Variants in LRRC7 observed in about 807,000 individuals in gnomAD.
LRRC7 encodes leucine-rich repeat-containing protein 7.
LRRC7 carries 23 observed loss-of-function variants against 175.7 expected under a neutral mutation model. The observed-to-expected ratio is 0.13, with a 90% confidence interval of 0.09 to 0.19. LRRC7 has a LOEUF of 0.19. Among genes scored for constraint, LRRC7 ranks in the 10% least tolerant of loss-of-function variants. The pLI is 1.00. For missense variants in LRRC7, 1,354 were observed against 1,904.7 expected, an observed-to-expected ratio of 0.71 and a Z score of 5.38; for synonymous variants, 685 against 680.9, an observed-to-expected ratio of 1.01 and a Z score of -0.09.
chr1:69,954,126 A>C (rs1298033977), intron 8 of LRRC7, among the ~76,000 whole-genome samples: 4 of 152,116 alleles, frequency 2.6e-5, no homozygotes, highest in Non-Finnish European at 5.9e-5. Context: ...AATGAAGATA[A>C]GCTTTCCGTA....
At chr1:69,919,510 C>T in intron 7 of LRRC7, 1 of 848,656 alleles carries the variant, frequency 1.2e-6, no homozygotes, top group South Asian at 1.4e-5. Context: ...GCAGGGGGAG[C>T]CCGCCAGGGT....
chr1:69,881,804 G>A (rs55785919), intron 7 of LRRC7, among the ~76,000 whole-genome samples: 13,912 of 150,268 alleles, frequency 0.093, 1,528 homozygotes, highest in African/African-American at 0.26. Flanking sequence ...CACTGAAACC[G>A]AGGAGAACAA....
At chr1:69,844,899 GATAAA>G (rs1388842675) in intron 7 of LRRC7, among the ~76,000 whole-genome samples, 6 of 152,080 alleles carry the variant, frequency 3.9e-5, no homozygotes, top group Non-Finnish European at 7.4e-5. Flanking sequence ...TTTCAACACA[GATAAA>G]ATTATTAACT....
intron 2 of LRRC7, among the ~76,000 whole-genome samples, chr1:69,681,496 T>C (rs1206495882): frequency 6.6e-6 from 1 of 152,154 alleles, no homozygotes; most frequent in Non-Finnish European, 1.5e-5. Flanking sequence ...AAAATCAACA[T>C]AGACGTAGAT....
chr1:69,947,258 TA>T (rs145098062), intron 8 of LRRC7, among the ~76,000 whole-genome samples: 7,912 of 152,090 alleles, frequency 0.052, 392 homozygotes, highest in African/African-American at 0.13. Context: ...ACATTTAGAG[TA>T]ATTACTGATG....
At chr1:70,081,683 A>G (rs568404263) in intron 24 of LRRC7, among the ~76,000 whole-genome samples, 137 of 152,300 alleles carry the variant, frequency 9.0e-4, no homozygotes, top group Non-Finnish European at 1.5e-3. Context: ...CCAAGCACAC[A>G]AGTCAAGAGT....
intron 1 of LRRC7, among the ~76,000 whole-genome samples, chr1:69,644,318 C>T (rs181938317): frequency 9.2e-5 from 14 of 151,936 alleles, no homozygotes; most frequent in Admixed American, 6.6e-4. Flanking sequence ...GTTTTTGCTT[C>T]GTACATTTAG....
At chr1:70,012,064 C>T in intron 12 of LRRC7, 138 bp downstream of exon 12, 1 of 464,700 alleles carries the variant, frequency 2.2e-6, no homozygotes, top group East Asian at 3.5e-5. Context: ...TATATATTTG[C>T]TAATTATTCT....
intron 2 of LRRC7, among the ~76,000 whole-genome samples, chr1:69,730,084 C>A (rs1348892585): frequency 6.6e-6 from 1 of 152,202 alleles, no homozygotes; most frequent in Non-Finnish European, 1.5e-5. Flanking sequence ...AGCTGGGGCA[C>A]AGGGCACCAA....
chr1:69,884,670 G>A (rs1313843619), intron 7 of LRRC7, among the ~76,000 whole-genome samples: 1 of 141,012 alleles, frequency 7.1e-6, no homozygotes, highest in African/African-American at 2.8e-5. Flanking sequence ...GGAGTGGTGA[G>A]AGAGGGCATC....
At chr1:69,953,122 C>G (rs1169859781) in intron 8 of LRRC7, among the ~76,000 whole-genome samples, 1 of 151,640 alleles carries the variant, frequency 6.6e-6, no homozygotes, top group Non-Finnish European at 1.5e-5. Context: ...TGGAGTGTTT[C>G]CTTAAATCCA....
chr1:69,713,300 G>A (rs1664988075), intron 2 of LRRC7, among the ~76,000 whole-genome samples: 1 of 151,246 alleles, frequency 6.6e-6, no homozygotes, highest in South Asian at 2.1e-4. Flanking sequence ...AGCCCAGGAA[G>A]CATAGTGAGA....
In LRRC7 at chr1:70,136,673, T is replaced by G. The variant is rs1274848916; in HGVS notation, c.*14786T>G. On this transcript the variant is annotated 3_prime_UTR_variant, in exon 27 of 27. Coordinates refer to ENST00000651989, the MANE Select transcript of LRRC7 (RefSeq NM_001370785.2). ...TGTATTGTCACCTTCTCTCACAGTT[T>G]AATAAAATGGCAAATGCTTTCTTTC... Among the ~76,000 whole-genome samples, 1 of 151,580 alleles carries G rather than the reference T, an allele frequency of 6.6e-6. No homozygotes were observed. The highest frequency in any genetic ancestry group is 6.6e-5 in the Admixed American group (1 of 15,198).
intron 1 of LRRC7, among the ~76,000 whole-genome samples, chr1:69,631,510 GAT>G (rs1177989813): frequency 3.3e-5 from 5 of 152,042 alleles, no homozygotes; most frequent in African/African-American, 1.2e-4. Flanking sequence ...GGATGGGGGT[GAT>G]GTTCTAGTTT....
Position 69,648,179 on chromosome 1 carries a change from T to C in LRRC7, c.3-30202T>C, listed in dbSNP as rs1342900857. 2.0e-5 allele frequency among the ~76,000 whole-genome samples: 3 copies of C among 152,150 alleles called. No homozygotes were observed. The East Asian group carries it at 5.8e-4, about 29-fold the overall frequency. ...GTAACCTTTAAGAAAAAATACAGAC[T>C]TGATTTTATGATTGTTTGGAGGTTT... On this transcript the variant is annotated intron_variant, in intron 1 of 26. Coordinates refer to ENST00000651989, the MANE Select transcript of LRRC7 (RefSeq NM_001370785.2).
chr1:69,832,231 C>T (rs1483185524), intron 5 of LRRC7, among the ~76,000 whole-genome samples: 1 of 152,064 alleles, frequency 6.6e-6, no homozygotes, highest in Non-Finnish European at 1.5e-5. Flanking sequence ...TTATCAAACA[C>T]AATGGGAGAG....
chr1:69,699,114 G>A (rs879451344), intron 2 of LRRC7, among the ~76,000 whole-genome samples: 2 of 152,142 alleles, frequency 1.3e-5, no homozygotes, highest in Non-Finnish European at 2.9e-5. Flanking sequence ...AAGACAGTGT[G>A]GCGATGCCCC....
At chr1:70,084,426 G>T (rs960099871) in intron 24 of LRRC7, among the ~76,000 whole-genome samples, 13 of 152,116 alleles carry the variant, frequency 8.5e-5, no homozygotes, top group Non-Finnish European at 1.8e-4. Flanking sequence ...ATGTATTTTT[G>T]TGATTTGCTC....
chr1:69,662,607 G>A (rs1297362121), intron 1 of LRRC7, among the ~76,000 whole-genome samples: 2 of 152,088 alleles, frequency 1.3e-5, no homozygotes, highest in Non-Finnish European at 2.9e-5. Flanking sequence ...AGCAGTTTAG[G>A]TGTGGTTAAC....
Sources: gnomAD v4.1 joint callset for allele counts (sites outside exome capture counted in the v4.1 genomes callset) on GRCh38, gnomAD v4.1.1 for gene constraint, MANE v1.5 for transcripts, NCBI Gene and HGNC (gene_info 2026-07-23, HGNC 2026-07-21) for gene names.